The following FAM210A variants were observed in gnomAD, a reference collection of about 807,000 sequenced individuals.
The protein encoded by FAM210A is mitochondrial inner membrane scaffold 1.
Under a neutral mutation model 25.3 loss-of-function variants are expected in FAM210A, and 13 were observed. That is an observed-to-expected ratio of 0.51 (90% CI 0.33 to 0.82). The LOEUF (loss-of-function observed/expected upper bound fraction) is 0.82. Ranked by LOEUF, FAM210A falls within the 40% of genes least tolerant of loss-of-function variation. The pLI is 0.02. For missense variants in FAM210A, 319 were observed against 323.2 expected, an observed-to-expected ratio of 0.99 and a Z score of 0.10; for synonymous variants, 125 against 118.7, an observed-to-expected ratio of 1.05 and a Z score of -0.35.
At chr18:13,688,641 G>T (rs2043617422) in intron 1 of FAM210A, among the ~76,000 whole-genome samples, 1 of 152,266 alleles carries the variant, frequency 6.6e-6, no homozygotes, top group South Asian at 2.1e-4. Context: ...CAAAAAGGTT[G>T]TCACTCTGGC....
intron 1 of FAM210A, among the ~76,000 whole-genome samples, chr18:13,699,966 C>T (rs928956436): frequency 6.6e-6 from 1 of 152,202 alleles, no homozygotes; most frequent in Non-Finnish European, 1.5e-5. Flanking sequence ...TCTACTCTCA[C>T]ACTCAATGTA....
intron 3 of FAM210A, among the ~76,000 whole-genome samples, chr18:13,671,402 T>C (rs1601939581): frequency 1.3e-5 from 2 of 152,292 alleles, no homozygotes; most frequent in African/African-American, 2.4e-5. Context: ...TAATTATATC[T>C]CCATTTATCA....
chr18:13,677,356 G>A (rs2043513601), intron 2 of FAM210A, among the ~76,000 whole-genome samples: 1 of 152,160 alleles, frequency 6.6e-6, no homozygotes, highest in Non-Finnish European at 1.5e-5. Context: ...TTACAGGCGT[G>A]AGCCATCACG....
At position 13,682,040 on chromosome 18, in the gene FAM210A, G is replaced by A. The variant is rs1408705801; in HGVS notation, c.38C>T (p.Ala13Val). The part of the protein sequence containing the change: ...WNVPRTVSRL[A>V]RRTCLEPHNA... ...ATGTGGTTCCAAGCATGTCCTGCGT[G>A]CCAGTCGAGATACAGTCCGTGGTAC... The change falls in exon 2 of 4, where the codon GCA (alanine) becomes GTA (valine). Residue 13 changes from alanine to valine, a missense_variant. Ala to Val is a moderately conservative substitution (Grantham distance 64). Coordinates refer to ENST00000651643, the MANE Select transcript of FAM210A (RefSeq NM_152352.4). The A allele has an allele frequency of 1.2e-6, 2 of 1,611,032 alleles. No individual in the cohort carries two copies. The highest frequency in any genetic ancestry group is 2.2e-5 in the South Asian group (2 of 90,604).
chr18:13,707,304 G>A (rs2043786209), intron 1 of FAM210A, among the ~76,000 whole-genome samples: 1 of 152,136 alleles, frequency 6.6e-6, no homozygotes. Flanking sequence ...CATGCACTAG[G>A]CCCCAACAGA....
intron 1 of FAM210A, among the ~76,000 whole-genome samples, chr18:13,698,776 CATCTT>C (rs2043716059): frequency 6.6e-6 from 1 of 152,312 alleles, no homozygotes; most frequent in South Asian, 2.1e-4. Context: ...ACCACAGAAA[CATCTT>C]ATCGATATCC....
At position 13,664,802 on chromosome 18, in the gene FAM210A, A is replaced by G. The variant is rs573200312; in HGVS notation, c.*1678T>C. The G allele has an allele frequency of 1.3e-5, 2 of 152,364 alleles. No homozygotes were observed. The highest frequency in any genetic ancestry group is 4.1e-4 in the South Asian group (2 of 4,826). 9.4% of individuals were successfully genotyped at this position (152,364 alleles called of 1,614,324 possible). A position where few individuals can be genotyped will look rare whatever the true frequency, so the allele number is the denominator to read the frequency against. On this transcript the variant is annotated 3_prime_UTR_variant, in exon 4 of 4. Coordinates refer to ENST00000651643, the MANE Select transcript of FAM210A (RefSeq NM_152352.4). ...AATTTGGCCAAACTAAGTACTTGAT[A>G]TAAAAATCCTGGCAAAGAGCAGGGG...
intron 1 of FAM210A, among the ~76,000 whole-genome samples, chr18:13,721,768 A>G (rs2043899376): frequency 6.6e-6 from 1 of 152,068 alleles, no homozygotes; most frequent in Non-Finnish European, 1.5e-5. Context: ...TAACCTCAAC[A>G]AGTCCCTACT....
chr18:13,672,007 A>C, intron 2 of FAM210A, 34 bp from the exon 3 acceptor site: 1 of 1,423,010 alleles, frequency 7.0e-7, no homozygotes, highest in South Asian at 1.2e-5. Context: ...TCATATGTAC[A>C]AACTTTTAAT....
At chr18:13,692,988 G>A (rs1601954704) in intron 1 of FAM210A, among the ~76,000 whole-genome samples, 1 of 152,126 alleles carries the variant, frequency 6.6e-6, no homozygotes, top group Non-Finnish European at 1.5e-5. Flanking sequence ...CAGCAAAATT[G>A]ATAGACTGCT....
intron 1 of FAM210A, among the ~76,000 whole-genome samples, chr18:13,721,224 TGTTA>T (rs367751508): frequency 4.6e-5 from 7 of 152,180 alleles, no homozygotes; most frequent in Admixed American, 2.0e-4. Context: ...TTTTTGGCTT[TGTTA>T]GTTGAAAGAA....
rs2043387677 is a variant in FAM210A at position 13,664,938 on chromosome 18, AG to A, written c.*1541del. ...TCATCCAATTAGCAATTGAAGGGTTAGAACTGAAATAGTCACTGTTAGAGCA... is the reference window on the plus strand; with the variant it reads ...TCATCCAATTAGCAATTGAAGGGTTAAACTGAAATAGTCACTGTTAGAGCA... On this transcript the variant is annotated 3_prime_UTR_variant, in exon 4 of 4. Transcript: ENST00000651643. 1 of 152,556 alleles carries A rather than the reference AG, an allele frequency of 6.6e-6. No individual in the cohort carries two copies. The highest frequency in any genetic ancestry group is 2.1e-4 in the South Asian group (1 of 4,826). The allele number at this position is 152,556 out of a possible 1,614,324, so 9.5% of individuals were successfully genotyped here.
chr18:13,706,252 CT>C (rs2043777165), intron 1 of FAM210A, among the ~76,000 whole-genome samples: 1 of 151,854 alleles, frequency 6.6e-6, no homozygotes, highest in African/African-American at 2.4e-5. Context: ...ATGTGAACAG[CT>C]TTTCCCAAGA....
chr18:13,716,932 C>T (rs762398301), intron 1 of FAM210A, among the ~76,000 whole-genome samples: 4 of 152,294 alleles, frequency 2.6e-5, no homozygotes, highest in South Asian at 4.1e-4. Flanking sequence ...ACAGGGAGCC[C>T]GCCTAAGGAC....
chr18:13,696,998 C>T (rs1413020015), intron 1 of FAM210A, among the ~76,000 whole-genome samples: 1 of 152,112 alleles, frequency 6.6e-6, no homozygotes, highest in East Asian at 1.9e-4. Context: ...TGTAACTTTT[C>T]CCCATTTAGG....
rs1182847413 is a variant in FAM210A at position 13,665,303 on chromosome 18, C to T, written c.*1177G>A. On this transcript the variant is annotated 3_prime_UTR_variant, in exon 4 of 4. Coordinates refer to ENST00000651643, the MANE Select transcript of FAM210A (RefSeq NM_152352.4). ...GCTGAGGCGGGAGGATCACTTGAACCTGGGAGGCAGAGGATGCAGTGAGCC... is the reference window on the plus strand; with the variant it reads ...GCTGAGGCGGGAGGATCACTTGAACTTGGGAGGCAGAGGATGCAGTGAGCC... 1 of 143,498 alleles carries T rather than the reference C, an allele frequency of 7.0e-6. No homozygotes were observed. Among genetic ancestry groups the T allele is most frequent in the Non-Finnish European group, 1.5e-5 (1 of 66,926 alleles). The allele number at this position is 143,498 out of a possible 1,614,324, so 8.9% of individuals were successfully genotyped here. A position where few individuals can be genotyped will look rare whatever the true frequency, so the allele number is the denominator to read the frequency against.
At chr18:13,667,579 C>T (rs558541256) in intron 3 of FAM210A, among the ~76,000 whole-genome samples, 3 of 152,048 alleles carry the variant, frequency 2.0e-5, no homozygotes, top group South Asian at 2.1e-4. Context: ...ATTAGCCGGG[C>T]GTGGTGGCAG....
At chr18:13,671,240 T>C (rs1293851640) in intron 3 of FAM210A, among the ~76,000 whole-genome samples, 1 of 152,148 alleles carries the variant, frequency 6.6e-6, no homozygotes, top group East Asian at 1.9e-4. Context: ...CTCCCTTCCT[T>C]CTTGCCCCTT....
At chr18:13,690,844 C>T (rs1193231033) in intron 1 of FAM210A, among the ~76,000 whole-genome samples, 1 of 152,234 alleles carries the variant, frequency 6.6e-6, no homozygotes, top group African/African-American at 2.4e-5. Flanking sequence ...CAGAGCACCT[C>T]TTCTCCTCCA....
Sources: allele counts gnomAD v4.1 joint callset (sites outside exome capture counted in the v4.1 genomes callset), GRCh38; gene constraint gnomAD v4.1.1; transcripts MANE v1.5; gene names NCBI Gene and HGNC (gene_info 2026-07-23, HGNC 2026-07-21).